Variants in SNX25 observed in about 807,000 individuals in gnomAD.
SNX25 encodes the protein sorting nexin 25.
Under a neutral mutation model 113.7 loss-of-function variants are expected in SNX25, and 62 were observed. The ratio of observed to expected loss-of-function variants is 0.55; its 90% CI spans 0.44 to 0.67. SNX25 has a LOEUF of 0.67. Among genes scored for constraint, SNX25 ranks in the 30% least tolerant of loss-of-function variants. SNX25 has a pLI of 0.00. For missense variants in SNX25, 1,014 were observed against 1,161.0 expected (o/e 0.87, Z 1.84); for synonymous variants, 421 against 436.2 (o/e 0.97, Z 0.43).
At chr4:185,367,102 A>T, downstream of SNX25, 1 of 1,243,732 alleles carries the variant, frequency 8.0e-7, no homozygotes, top group Non-Finnish European at 1.2e-6. Flanking sequence ...TGTGCAAAAT[A>T]ACCAAACATA....
intron 1 of SNX25, 37 bp from the exon 2 acceptor site, chr4:185,247,257 C>A (rs950495618): frequency 1.3e-5 from 18 of 1,351,742 alleles, no homozygotes; most frequent in Admixed American, 2.2e-5. Context: ...TTTATTCATT[C>A]AGTAATCTGC....
rs1737655936 is a variant in SNX25, at chr4:185,210,757, C to T, written c.429+502C>T. 6.6e-6 allele frequency among the ~76,000 whole-genome samples: 1 copy of T among 152,052 alleles called. No individual in the cohort carries two copies. ...CCAAGCCCGCGTACCCTTCCCACCA[C>T]CCTATCCTGCCTTCCACCATGCGGA... On this transcript the variant is annotated intron_variant, in intron 1 of 18. Coordinates refer to ENST00000652585, the MANE Select transcript of SNX25 (RefSeq NM_001378034.2). The surrounding 1 kb of genome is among the most constrained non-coding windows in gnomAD (Gnocchi z 4.4).
At position 185,306,479 on chromosome 4, in the gene SNX25, C is replaced by G. The variant is rs112620913; in HGVS notation, c.1163-4156C>G. Among the ~76,000 whole-genome samples, 14 of 152,326 alleles carry G rather than the reference C, an allele frequency of 9.2e-5. 1 individual carries two copies. The highest frequency in any genetic ancestry group is 3.1e-4 in the African/African-American group (13 of 41,586). Reference sequence around the variant, plus strand: ...GTTTTAGGGAAGGGTTATTCTCTTTCTTACTTCTCTTTGGAATTTTCTTCT... The same window carrying G: ...GTTTTAGGGAAGGGTTATTCTCTTTGTTACTTCTCTTTGGAATTTTCTTCT... On this transcript the variant is annotated intron_variant, in intron 6 of 18. Transcript: ENST00000652585.
chr4:185,296,203 C>T (rs868681746), intron 6 of SNX25, among the ~76,000 whole-genome samples: 1 of 152,044 alleles, frequency 6.6e-6, no homozygotes, highest in African/African-American at 2.4e-5. Context: ...CTCCTACAGG[C>T]CCCACCTGAT....
rs3112853 is a variant in SNX25, at chr4:185,250,713, C to T, written c.514+3335C>T. On this transcript the variant is annotated intron_variant, in intron 2 of 18. Transcript: ENST00000652585. ...AGATGGTTCCTGATTTATGATAGTT[C>T]AGTTTATGGTTTTTTTTTTTTTTAC... Among the ~76,000 whole-genome samples the T allele has an allele frequency of 2.2e-3, 319 of 143,402 alleles. 1 individual carries two copies. Among genetic ancestry groups the T allele is most frequent in the African/African-American group, 7.3e-3 (299 of 40,690 alleles). The allele number at this position is 143,402 out of a possible 152,430, so 94.1% of individuals were successfully genotyped here. A position where few individuals can be genotyped will look rare whatever the true frequency, so the allele number is the denominator to read the frequency against.
At chr4:185,242,485 A>G (rs999599034) in intron 1 of SNX25, among the ~76,000 whole-genome samples, 3 of 152,236 alleles carry the variant, frequency 2.0e-5, no homozygotes, top group African/African-American at 7.2e-5. Context: ...TTGCTGGAGC[A>G]GCTCACAGAA....
chr4:185,273,686 A>G (rs1333794293), intron 5 of SNX25, among the ~76,000 whole-genome samples: 2 of 152,136 alleles, frequency 1.3e-5, no homozygotes, highest in African/African-American at 2.4e-5. Flanking sequence ...TCCCACCTTC[A>G]GCCCCTGGTA....
intron 5 of SNX25, among the ~76,000 whole-genome samples, chr4:185,281,997 C>T (rs527394721): frequency 2.6e-5 from 4 of 152,048 alleles, no homozygotes; most frequent in African/African-American, 9.7e-5. Flanking sequence ...GTCTGGGCAA[C>T]AGAGCGAGAC....
At chr4:185,350,372 T>C (rs1274061227) in intron 13 of SNX25, among the ~76,000 whole-genome samples, 8 of 152,210 alleles carry the variant, frequency 5.3e-5, no homozygotes, top group Middle Eastern at 3.2e-3. Flanking sequence ...ACAGTTCTTA[T>C]AGGTTTACAT....
At position 185,314,033 on chromosome 4, in the gene SNX25, G is replaced by A. The variant is rs553667183; in HGVS notation, c.1344+3217G>A. On this transcript the variant is annotated intron_variant, in intron 7 of 18. Coordinates refer to ENST00000652585, the MANE Select transcript of SNX25 (RefSeq NM_001378034.2). The stretch of plus-strand genomic sequence containing the variant: ...TGTTGTCTAGGCAGAGCAGGAGGAA[G>A]AGGGGTCAGTCTTGCTGTGTCAGGG... Among the ~76,000 whole-genome samples, 7 of 152,322 alleles carry A rather than the reference G, an allele frequency of 4.6e-5. No individual in the cohort carries two copies. The East Asian group carries it at 1.2e-3, about 25-fold the overall frequency.
intron 14 of SNX25, 58 bp downstream of exon 14, chr4:185,351,667 A>G (rs2095315425): frequency 1.9e-6 from 3 of 1,553,888 alleles, no homozygotes; most frequent in African/African-American, 1.4e-5. Flanking sequence ...TACTAAGCTC[A>G]TGCTCCTCAT....
In SNX25 at chr4:185,346,520, A is replaced by C; in HGVS notation, c.2188-17A>C. On this transcript the variant is annotated splice_polypyrimidine_tract_variant and intron_variant, in intron 12 of 18. Coordinates refer to ENST00000652585, the MANE Select transcript of SNX25 (RefSeq NM_001378034.2). ...TGTAATTTCAAAATACTAACATTTCATTTTTTCCCCCCACAGTGCGTCCCT... is the reference window on the plus strand; with the variant it reads ...TGTAATTTCAAAATACTAACATTTCCTTTTTTCCCCCCACAGTGCGTCCCT... The C allele has an allele frequency of 6.7e-7, 1 of 1,487,950 alleles. No individual in the cohort carries two copies. Among genetic ancestry groups the C allele is most frequent in the South Asian group, 1.2e-5 (1 of 81,854 alleles). 92.2% of individuals were successfully genotyped at this position (1,487,950 alleles called of 1,614,324 possible).
chr4:185,265,562 A>C (rs2126543459), intron 4 of SNX25, among the ~76,000 whole-genome samples: 1 of 124,580 alleles, frequency 8.0e-6, no homozygotes, highest in African/African-American at 2.8e-5. Flanking sequence ...GGCCTAGGAC[A>C]TGACTGTGCA....
chr4:185,288,189 C>T (rs548076230), intron 6 of SNX25, 107 bp downstream of exon 6: 141 of 733,434 alleles, frequency 1.9e-4, no homozygotes, highest in South Asian at 1.0e-3. Context: ...TTCTGGCTTA[C>T]ATTTAAATAT....
At chr4:185,290,812 G>A (rs1288541) in intron 6 of SNX25, among the ~76,000 whole-genome samples, 85,718 of 152,092 alleles carry the variant, frequency 0.56, 24,653 homozygotes, top group East Asian at 0.76. Flanking sequence ...ATTCAAGTGC[G>A]GAAGTTGAGG....
intron 11 of SNX25, among the ~76,000 whole-genome samples, chr4:185,340,158 A>G (rs1465057094): frequency 6.6e-6 from 1 of 152,210 alleles, no homozygotes; most frequent in African/African-American, 2.4e-5. Flanking sequence ...GCATAACCAC[A>G]TTATAAGCAA....
chr4:185,328,277 CA>C (rs1478686712), intron 9 of SNX25, among the ~76,000 whole-genome samples: 1 of 151,994 alleles, frequency 6.6e-6, no homozygotes, highest in Non-Finnish European at 1.5e-5. Flanking sequence ...AGCTGGAAGA[CA>C]AAGACAGATT....
chr4:185,332,680 T>C lies in SNX25; in HGVS notation c.1835T>C (p.Leu612Pro), dbSNP rs1012800431. 7.4e-6 allele frequency: 12 copies of C among 1,614,112 alleles called. No homozygotes were observed. The highest frequency in any genetic ancestry group is 1.0e-5 in the Non-Finnish European group (12 of 1,179,994). ...CAAGCCAGTTTTGCTGTAAACAAAC[T>C]GCGAGAACTAAATGAGAAACTTGAA... ...NEQASFAVNK[L>P]RELNEKLEYK... The change falls in exon 10 of 19, where the codon CTG (leucine) becomes CCG (proline). Residue 612 changes from leucine to proline, a missense_variant. Leu to Pro is a moderately conservative substitution (Grantham distance 98, BLOSUM62 -3). Coordinates refer to ENST00000652585, the MANE Select transcript of SNX25 (RefSeq NM_001378034.2).
Position 185,334,043 on chromosome 4 carries a change from A to G in SNX25, c.1914+1284A>G, listed in dbSNP as rs533683860. On this transcript the variant is annotated intron_variant, in intron 10 of 18. Coordinates refer to ENST00000652585, the MANE Select transcript of SNX25 (RefSeq NM_001378034.2). The surrounding 1 kb of genome is among the most constrained non-coding windows in gnomAD (Gnocchi z 4.2). ...CAGACTGGGCAATAGTCTCAAAAAA[A>G]AAAAAAAAAAAGTGGCTAGGCGCGG... Among the ~76,000 whole-genome samples the G allele has an allele frequency of 1.3e-5, 2 of 151,618 alleles. No homozygotes were observed. Among genetic ancestry groups the G allele is most frequent in the African/African-American group, 4.8e-5 (2 of 41,300 alleles).
Sources: allele counts gnomAD v4.1 joint callset (sites outside exome capture counted in the v4.1 genomes callset), GRCh38; gene constraint gnomAD v4.1.1; non-coding constraint Gnocchi (gnomAD v3.1); transcripts MANE v1.5; gene names NCBI Gene and HGNC (gene_info 2026-07-23, HGNC 2026-07-21).